The following ZNF695 variants were observed in gnomAD, a reference collection of about 807,000 sequenced individuals.
The protein encoded by ZNF695 is zinc finger protein 695.
In ZNF695, 11 loss-of-function variants were observed where a neutral mutation model predicts 11.2. The observed-to-expected ratio is 0.98, with a 90% CI of 0.62 to 1.62. ZNF695 has a LOEUF of 1.62. ZNF695 is among the 40% of genes most tolerant of loss of function. The pLI is 0.00. For synonymous variants in ZNF695, 190 were observed against 201.4 expected, an observed-to-expected ratio of 0.94 and a Z score of 0.48; for missense variants, 559 against 590.5, an observed-to-expected ratio of 0.95 and a Z score of 0.55.
intron 3 of ZNF695, among the ~76,000 whole-genome samples, chr1:246,989,779 A>G (rs1368505830): frequency 6.6e-6 from 1 of 152,164 alleles, no homozygotes; most frequent in African/African-American, 2.4e-5. Flanking sequence ...GCTCTTTGGG[A>G]GGCCGAGGCG....
In ZNF695 at chr1:246,986,787, G is replaced by A. The variant is rs910862342; in HGVS notation, c.*180C>T. The A allele has an allele frequency of 5.7e-5, 78 of 1,363,626 alleles. No homozygotes were observed. The highest frequency in any genetic ancestry group is 2.7e-4 in the Middle Eastern group (1 of 3,720). 84.5% of individuals were successfully genotyped at this position (1,363,626 alleles called of 1,614,324 possible). On this transcript the variant is annotated 3_prime_UTR_variant, in exon 4 of 4. Transcript: ENST00000339986. ...GTGATATAAGTGGAGGTGTTGAACC[G>A]GTCTATTTGTATTGTTCGTAGCCTA...
chr1:246,959,716 G>C (rs558735586), intron 5 of ZNF695, among the ~76,000 whole-genome samples: 1 of 150,920 alleles, frequency 6.6e-6, no homozygotes, highest in Non-Finnish European at 1.5e-5. Flanking sequence ...GTGAGCCACC[G>C]TGCCTGGCCC....
downstream of ZNF695, among the ~76,000 whole-genome samples, chr1:246,982,292 T>G (rs1395509334): frequency 7.5e-6 from 1 of 132,964 alleles, no homozygotes; most frequent in East Asian, 2.5e-4. Context: ...AAAAAAAGAT[T>G]ATTTCAAATT....
rs773879287 is a variant in ZNF695, at chr1:246,987,188, T to C, written c.1327A>G (p.Lys443Glu). The change falls in exon 4 of 4, where the codon AAA (lysine) becomes GAA (glutamate). Residue 443 changes from lysine (K) to glutamate (E), a missense_variant. Coordinates refer to ENST00000339986, the MANE Select transcript of ZNF695 (RefSeq NM_020394.5). The part of the protein sequence containing the change: ...EKPYKCDECG[K>E]AFNWFSYLTN... Reference sequence around the variant, plus strand: ...AGATATGAAAACCAGTTAAAAGCTTTGCCACATTCATCACATTTGTAGGGT... The same window carrying C: ...AGATATGAAAACCAGTTAAAAGCTTCGCCACATTCATCACATTTGTAGGGT... The C allele has an allele frequency of 6.2e-7, 1 of 1,613,888 alleles. No homozygotes were observed. The highest frequency in any genetic ancestry group is 2.2e-5 in the East Asian group (1 of 44,874).
downstream of ZNF695, among the ~76,000 whole-genome samples, chr1:246,983,338 G>C (rs1278302674): frequency 6.6e-6 from 1 of 151,934 alleles, no homozygotes; most frequent in Non-Finnish European, 1.5e-5. Flanking sequence ...GGAAAACACA[G>C]TGAGACTTCA....
At chr1:246,953,423 A>G (rs537376030) in intron 5 of ZNF695, among the ~76,000 whole-genome samples, 8 of 152,202 alleles carry the variant, frequency 5.3e-5, no homozygotes, top group African/African-American at 1.9e-4. Context: ...CCTGGCTAAC[A>G]TGGTGATACC....
At chr1:246,998,954 C>T (rs1385290149) in intron 3 of ZNF695, among the ~76,000 whole-genome samples, 2 of 148,762 alleles carry the variant, frequency 1.3e-5, no homozygotes, top group East Asian at 1.9e-4. Context: ...GGCGACAGAA[C>T]GAGACTCTGT....
chr1:246,948,478 C>T (rs1667793042), intron 5 of ZNF695, among the ~76,000 whole-genome samples: 1 of 152,152 alleles, frequency 6.6e-6, no homozygotes, highest in African/African-American at 2.4e-5. Flanking sequence ...TAAAATGAGC[C>T]ACGCCACTCA....
At position 246,963,451 on chromosome 1, in the gene ZNF695, CA is replaced by C. The variant is rs145487862; in HGVS notation, c.488+4243del. Among the ~76,000 whole-genome samples, 811 of 152,272 alleles carry C rather than the reference CA, an allele frequency of 5.3e-3. 1 individual carries two copies. The highest frequency in any genetic ancestry group is 8.9e-3 in the Non-Finnish European group (602 of 68,020). On this transcript the variant is annotated intron_variant, in intron 5 of 5. Transcript: ENST00000487338. The stretch of plus-strand genomic sequence containing the variant: ...ACATAATAAAAAGAAAAATAAAAAA[CA>C]GGCAAACTTCCTGACTTGTAGAGCT...
chr1:246,987,694 C>T lies in ZNF695; in HGVS notation c.821G>A (p.Gly274Asp). Residue 274 changes from glycine to aspartate, a missense_variant, in exon 4 of 4, where the codon GGC (glycine) becomes GAC (aspartate). Physicochemically the swap from Gly to Asp is moderately conservative, Grantham distance 94 (BLOSUM62 -1). Transcript: ENST00000339986. The stretch of plus-strand genomic sequence containing the variant: ...AACTGAGCACAGGTTAAAAGCTTTG[C>T]CACATTCTTCACATCTGTAGGTTTT... ...EKKTYRCEEC[G>D]KAFNLCSVLT... is the part of the protein sequence containing the mutation. 1 of 1,595,366 alleles carries T rather than the reference C, an allele frequency of 6.3e-7. No homozygotes were observed. Among genetic ancestry groups the T allele is most frequent in the Non-Finnish European group, 8.5e-7 (1 of 1,173,022 alleles).
At position 246,986,051 on chromosome 1, in the gene ZNF695, G is replaced by A. The variant is rs185046491; in HGVS notation, c.*916C>T. On this transcript the variant is annotated 3_prime_UTR_variant, in exon 4 of 4. Transcript: ENST00000339986. ...AAAGCTAAAACTCTTTCAGTGCACCGAGTATACTTTATTATTATGTTGTTA... is the reference window on the plus strand; with the variant it reads ...AAAGCTAAAACTCTTTCAGTGCACCAAGTATACTTTATTATTATGTTGTTA... 2.4e-5 allele frequency: 24 copies of A among 980,516 alleles called. No individual in the cohort carries two copies. Among genetic ancestry groups the A allele is most frequent in the African/African-American group, 1.4e-4 (8 of 57,198 alleles). 60.7% of individuals were successfully genotyped at this position (980,516 alleles called of 1,614,324 possible). A position where few individuals can be genotyped will look rare whatever the true frequency, so the allele number is the denominator to read the frequency against.
In ZNF695 at chr1:246,988,108, C is replaced by A. The variant is rs373721221; in HGVS notation, c.407G>T (p.Gly136Val). ...AAGTCCATTATAACTTGCCTTCTGCCCTTTCCACTCACCCACAATTTCCCA... is the reference window on the plus strand; with the variant it reads ...AAGTCCATTATAACTTGCCTTCTGCACTTTCCACTCACCCACAATTTCCCA... ...NDWEIVGEWK[G>V]QKASYNGLDL... Residue 136 changes from glycine to valine, a missense_variant, in exon 4 of 4, where the codon GGG becomes GTG. Physicochemically the swap from Gly to Val is moderately radical, Grantham distance 109. Transcript: ENST00000339986. 2.5e-6 allele frequency: 4 copies of A among 1,613,742 alleles called. No individual in the cohort carries two copies. In the South Asian group the frequency reaches 4.4e-5, roughly 18 times the overall value.
At chr1:246,976,538 T>TA (rs1668562869) in intron 4 of ZNF695, among the ~76,000 whole-genome samples, 1 of 152,050 alleles carries the variant, frequency 6.6e-6, no homozygotes, top group Non-Finnish European at 1.5e-5. Flanking sequence ...CTCACACCTG[T>TA]AATCCCAGCA....
At chr1:246,955,985 ATT>A (rs74163714) in intron 5 of ZNF695, among the ~76,000 whole-genome samples, 1,559 of 131,942 alleles carry the variant, frequency 0.012, 27 homozygotes, top group African/African-American at 0.038. Context: ...TTTGGATTGG[ATT>A]TTTTTTTTTT....
intron 3 of ZNF695, chr1:246,996,096 A>T (rs868270566): frequency 4.5e-6 from 2 of 444,990 alleles, no homozygotes; most frequent in South Asian, 3.1e-5. Flanking sequence ...CTGTAATCCC[A>T]GCACTTTGGG....
In ZNF695 at chr1:246,987,136, C is replaced by A; in HGVS notation, c.1379G>T (p.Gly460Val). The stretch of plus-strand genomic sequence containing the variant: ...TTCTTCACATTTGTAGGGTTTCTCT[C>A]CAGTATGAATTCTCTTATGATTAGT... ...YLTNHKRIHT[G>V]EKPYKCEECG... Residue 460 changes from glycine (G) to valine (V), a missense_variant, in exon 4 of 4, where the codon GGA becomes GTA. Physicochemically the swap from Gly to Val is moderately radical, Grantham distance 109 (BLOSUM62 -3). Coordinates refer to ENST00000339986, the MANE Select transcript of ZNF695 (RefSeq NM_020394.5). 6.2e-7 allele frequency: 1 copy of A among 1,614,008 alleles called. No homozygotes were observed. The highest frequency in any genetic ancestry group is 2.2e-5 in the East Asian group (1 of 44,852).
At chr1:246,950,468 G>A (rs780103388) in intron 5 of ZNF695, among the ~76,000 whole-genome samples, 1 of 151,898 alleles carries the variant, frequency 6.6e-6, no homozygotes, top group Non-Finnish European at 1.5e-5. Context: ...TGGCTAACAC[G>A]GTGAAATTTC....
chr1:247,007,982 C>A lies in ZNF695; in HGVS notation c.-74G>T, dbSNP rs1669590973. The A allele has an allele frequency of 2.8e-6, 4 of 1,421,252 alleles. No homozygotes were observed. Among genetic ancestry groups the A allele is most frequent in the Non-Finnish European group, 2.8e-6 (3 of 1,074,244 alleles). The allele number at this position is 1,421,252 out of a possible 1,614,324, so 88.0% of individuals were successfully genotyped here. A position where few individuals can be genotyped will look rare whatever the true frequency, so the allele number is the denominator to read the frequency against. On this transcript the variant is annotated 5_prime_UTR_variant, in exon 1 of 4. The change creates a new upstream start codon in the 5' untranslated region. Coordinates refer to ENST00000339986, the MANE Select transcript of ZNF695 (RefSeq NM_020394.5). ...CCTGCAGGCCACAGGGCGATGGAGCCTGCGGCAGTCACCCGGGACTCTCCG... is the reference window on the plus strand; with the variant it reads ...CCTGCAGGCCACAGGGCGATGGAGCATGCGGCAGTCACCCGGGACTCTCCG...
intron 5 of ZNF695, among the ~76,000 whole-genome samples, chr1:246,960,228 CA>C (rs1449979109): frequency 6.6e-6 from 1 of 151,988 alleles, no homozygotes; most frequent in East Asian, 1.9e-4. Flanking sequence ...AACATATCAG[CA>C]AAAAGGGAAC....
Sources: allele counts gnomAD v4.1 joint callset (sites outside exome capture counted in the v4.1 genomes callset), GRCh38; gene constraint gnomAD v4.1.1; transcripts MANE v1.5; gene names NCBI Gene and HGNC (gene_info 2026-07-23, HGNC 2026-07-21).